Variants in UTP14A observed in about 807,000 individuals in gnomAD.
UTP14A encodes the protein U3 small nucleolar RNA-associated protein 14 homolog A.
A neutral mutation model predicts 57.2 loss-of-function variants in UTP14A; 5 were observed. The ratio of observed to expected loss-of-function variants is 0.09; its 90% CI spans 0.05 to 0.18. UTP14A has a LOEUF of 0.18. Among genes scored for constraint, UTP14A ranks in the 10% least tolerant of loss-of-function variants. The probability of loss-of-function intolerance (pLI) is 1.00; values close to 1 mark genes in which losing one functional copy is unlikely to be tolerated. For synonymous variants in UTP14A, 169 were observed against 210.9 expected (o/e 0.80, Z 1.72); for missense variants, 430 against 562.1 (o/e 0.76, Z 2.38).
chrX:129,920,009 C>T (rs1053460734), intron 8 of UTP14A, among the ~76,000 whole-genome samples: 2 of 111,047 alleles, frequency 1.8e-5, no homozygotes, highest in African/African-American at 3.3e-5. Context: ...GCCAACATGG[C>T]GAAACCCCAT....
At chrX:129,929,280 G>A (rs1930229830) in intron 14 of UTP14A, 56 bp from the exon 15 acceptor site, 8 of 1,172,131 alleles carry the variant, frequency 6.8e-6, no homozygotes, top group Non-Finnish European at 9.2e-6. Flanking sequence ...TGCCATTACA[G>A]TATACAACTG....
chrX:129,926,177 C>T, intron 13 of UTP14A, 63 bp from the exon 14 acceptor site: 1 of 1,208,070 alleles, frequency 8.3e-7, no homozygotes, highest in Non-Finnish European at 1.1e-6. Flanking sequence ...TCGGTGTCCT[C>T]CCTACCCTTT....
In UTP14A at chrX:129,907,727, C is replaced by T. The variant is rs140731024; in HGVS notation, c.102+285C>T. ...ATCCCAGCACTTTGGGAGGCCAAGG[C>T]GGGCAGATCACAAGGTCAGGAGATT... On this transcript the variant is annotated intron_variant, in intron 2 of 14. Transcript: ENST00000394422. 0.043 allele frequency among the ~76,000 whole-genome samples: 4,772 copies of T among 111,477 alleles called. 246 individuals carry two copies. Among genetic ancestry groups the T allele is most frequent in the African/African-American group, 0.15 (4,493 of 30,618 alleles).
chrX:129,907,429 A>G lies in UTP14A; in HGVS notation c.89A>G (p.Glu30Gly), dbSNP rs762926058. 3 of 1,209,076 alleles carry G rather than the reference A, an allele frequency of 2.5e-6. No individual in the cohort carries two copies. In the East Asian group the frequency reaches 8.9e-5, roughly 36 times the overall value. Reference protein sequence around the residue: ...ADLPKDYLLSESEDEGDNDGE... With the variant: ...ADLPKDYLLSGSEDEGDNDGE... ...TTGCCAAAAGACTACCTCTTGAGTG[A>G]GAGTGAAGATGAGGTGGGTGACAAT... is the stretch of plus-strand genomic sequence containing the variant. Residue 30 changes from glutamate (E) to glycine (G), a missense_variant, in exon 2 of 15, where the codon GAG becomes GGG. Glu to Gly is a moderately conservative substitution (Grantham distance 98, BLOSUM62 -2). Transcript: ENST00000394422.
chrX:129,926,179 C>T lies in UTP14A; in HGVS notation c.1944-61C>T, dbSNP rs182382950. 1.6e-5 allele frequency: 19 copies of T among 1,206,672 alleles called. No individual in the cohort carries two copies. The Admixed American group carries it at 4.2e-4, about 26-fold the overall frequency. On this transcript the variant is annotated intron_variant, in intron 13 of 14. Transcript: ENST00000394422. ...CTCCCCTCGCCCTTCGGTGTCCTCC[C>T]TACCCTTTTGACTAAGTCCTTAATG...
At chrX:129,910,580 C>G (rs1929430715) in intron 4 of UTP14A, among the ~76,000 whole-genome samples, 1 of 111,610 alleles carries the variant, frequency 9.0e-6, no homozygotes, top group South Asian at 3.7e-4. Flanking sequence ...GTGCCAGCTA[C>G]TTGGGAGGAT....
intron 6 of UTP14A, among the ~76,000 whole-genome samples, chrX:129,912,606 G>A (rs748556823): frequency 3.6e-5 from 4 of 111,420 alleles, no homozygotes; most frequent in African/African-American, 1.3e-4. Context: ...TAACATTAAT[G>A]ATGCCTTAGT....
In UTP14A at chrX:129,921,091, C is replaced by T. The variant is rs1242487159; in HGVS notation, c.955-103C>T. On this transcript the variant is annotated intron_variant, in intron 10 of 14. Coordinates refer to ENST00000394422, the MANE Select transcript of UTP14A (RefSeq NM_006649.4). ...ACAGTAGGTACCAGTAAGAAATACTCACCAAGTCAAATTGAGAGGAGGCAG... is the reference window on the plus strand; with the variant it reads ...ACAGTAGGTACCAGTAAGAAATACTTACCAAGTCAAATTGAGAGGAGGCAG... 4.4e-6 allele frequency: 5 copies of T among 1,129,498 alleles called. No individual in the cohort carries two copies. In the East Asian group the frequency reaches 1.5e-4, roughly 34 times the overall value. 93.1% of individuals were successfully genotyped at this position (1,129,498 alleles called of 1,213,427 possible).
At chrX:129,919,970 C>A (rs926242477) in intron 8 of UTP14A, among the ~76,000 whole-genome samples, 3 of 111,532 alleles carry the variant, frequency 2.7e-5, no homozygotes, top group Non-Finnish European at 5.7e-5. Flanking sequence ...AGGTGGATCA[C>A]TTGAGGTAAG....
At chrX:129,920,425 A>C (rs777318770) in intron 8 of UTP14A, 32 bp from the exon 9 acceptor site, 4 of 1,211,727 alleles carry the variant, frequency 3.3e-6, no homozygotes, top group Non-Finnish European at 4.5e-6. Context: ...GCTTCAGCTA[A>C]ATTGCTAAAC....
intron 6 of UTP14A, 98 bp downstream of exon 6, chrX:129,912,019 G>T: frequency 1.9e-6 from 2 of 1,046,251 alleles, no homozygotes; most frequent in Non-Finnish European, 2.6e-6. Context: ...CTAAACCCCA[G>T]CATAAGTCAT....
chrX:129,908,647 T>G (rs1379110019), intron 3 of UTP14A, 23 bp from the exon 4 acceptor site: 2 of 1,200,964 alleles, frequency 1.7e-6, no homozygotes, highest in Admixed American at 4.4e-5. Context: ...TCATTCCTAT[T>G]ATATCGTTTT....
chrX:129,909,021 T>C (rs779326520), intron 4 of UTP14A, among the ~76,000 whole-genome samples: 1 of 111,811 alleles, frequency 8.9e-6, no homozygotes, highest in Non-Finnish European at 1.9e-5. Flanking sequence ...TTAGTCATAA[T>C]TCATATTTGT....
chrX:129,928,232 A>C (rs1930176375), intron 14 of UTP14A, among the ~76,000 whole-genome samples: 1 of 106,407 alleles, frequency 9.4e-6, no homozygotes, highest in Non-Finnish European at 1.9e-5. Flanking sequence ...AATACAAAAA[A>C]AAATTAGCCA....
Position 129,920,746 on chromosome X carries a change from C to T in UTP14A, c.948C>T (p.Asp316=). The T allele has an allele frequency of 8.3e-7, 1 of 1,211,535 alleles. No individual in the cohort carries two copies. Residue 316 remains aspartate (D), a synonymous_variant, in exon 10 of 15, where the codon GAC becomes GAT. Coordinates refer to ENST00000394422, the MANE Select transcript of UTP14A (RefSeq NM_006649.4). ...AKSKAIMAKY[D]LEARQAMQEQ... ...CAAAGGCAATTATGGCCAAATATGA[C>T]CTGGAGGTAAGAGACCCTTGGGGTG...
intron 12 of UTP14A, 141 bp from the exon 13 acceptor site, chrX:129,925,778 C>G: frequency 1.4e-6 from 1 of 710,736 alleles, no homozygotes; most frequent in Non-Finnish European, 2.1e-6. Context: ...ATTGGCTGTG[C>G]ACTGGTTTGT....
intron 3 of UTP14A, among the ~76,000 whole-genome samples, 178 bp downstream of exon 3, chrX:129,908,308 C>G (rs938280342): frequency 8.9e-6 from 1 of 111,970 alleles, no homozygotes; most frequent in Non-Finnish European, 1.9e-5. Flanking sequence ...TAAGCATTTG[C>G]AGTCTTATTC....
intron 4 of UTP14A, among the ~76,000 whole-genome samples, chrX:129,909,340 T>C (rs373210342): frequency 1.8e-5 from 2 of 108,945 alleles, no homozygotes; most frequent in African/African-American, 6.7e-5. Context: ...CTCCCGAGTA[T>C]CTGGGACTAC....
Position 129,920,440 on chromosome X carries a change from C to T in UTP14A, c.753-17C>T. On this transcript the variant is annotated splice_polypyrimidine_tract_variant and intron_variant, in intron 8 of 14. Coordinates refer to ENST00000394422, the MANE Select transcript of UTP14A (RefSeq NM_006649.4). ...GCTTCAGCTAAATTGCTAAACTCTTCCCTCCTACCCCTACAGGTATCACAA... is the reference window on the plus strand; with the variant it reads ...GCTTCAGCTAAATTGCTAAACTCTTTCCTCCTACCCCTACAGGTATCACAA... 8.3e-7 allele frequency: 1 copy of T among 1,211,727 alleles called. No homozygotes were observed. The highest frequency in any genetic ancestry group is 1.1e-6 in the Non-Finnish European group (1 of 895,448).
Sources: allele counts gnomAD v4.1 joint callset (sites outside exome capture counted in the v4.1 genomes callset), GRCh38; gene constraint gnomAD v4.1.1; transcripts MANE v1.5; gene names NCBI Gene and HGNC (gene_info 2026-07-23, HGNC 2026-07-21).